DHRSX: variants seen among roughly 807,000 people sequenced by gnomAD.
DHRSX encodes dehydrogenase/reductase X-linked.
In DHRSX, 31 loss-of-function variants were observed where a neutral mutation model predicts 34.0. That is an observed-to-expected ratio of 0.91 (90% CI 0.69 to 1.23). The LOEUF is 1.23. Ranked by LOEUF, DHRSX falls within the 50% of genes most tolerant of loss-of-function variation. The pLI is 0.00. For missense variants in DHRSX, 414 were observed against 428.1 expected, an observed-to-expected ratio of 0.97 and a Z score of 0.29; for synonymous variants, 201 against 183.8, an observed-to-expected ratio of 1.09 and a Z score of -0.76.
chrX:2,434,295 G>A (rs1278392415), intron 1 of DHRSX, among the ~76,000 whole-genome samples: 1 of 152,166 alleles, frequency 6.6e-6, no homozygotes, highest in African/African-American at 2.4e-5. Flanking sequence ...CCTTGGAGAA[G>A]TTAGAAGTTT....
intron 1 of DHRSX, among the ~76,000 whole-genome samples, chrX:2,485,360 A>G (rs1314565203): frequency 1.3e-5 from 2 of 151,842 alleles, no homozygotes; most frequent in East Asian, 3.9e-4. Flanking sequence ...TCGGCATTTT[A>G]ATGATGCCCA....
At chrX:2,258,662 G>A (rs906500207) in intron 5 of DHRSX, among the ~76,000 whole-genome samples, 3 of 152,186 alleles carry the variant, frequency 2.0e-5, no homozygotes, top group African/African-American at 7.2e-5. Flanking sequence ...AAGCCACTAG[G>A]TCCGTGGTAT....
intron 3 of DHRSX, among the ~76,000 whole-genome samples, chrX:2,346,171 A>C (rs2042708051): frequency 6.6e-6 from 1 of 152,090 alleles, no homozygotes; most frequent in East Asian, 1.9e-4. Context: ...ATTTTCTGAT[A>C]ATGTTTCTAA....
chrX:2,447,443 C>G (rs1321916044), intron 1 of DHRSX, among the ~76,000 whole-genome samples: 1 of 152,142 alleles, frequency 6.6e-6, no homozygotes, highest in Non-Finnish European at 1.5e-5. Flanking sequence ...ACCTTGTACA[C>G]AGTAAAGACA....
Position 2,258,298 on chromosome X carries a change from C to A in DHRSX, c.596+8442G>T, listed in dbSNP as rs148029040. On this transcript the variant is annotated intron_variant, in intron 5 of 6. Coordinates refer to ENST00000334651, the MANE Select transcript of DHRSX (RefSeq NM_145177.3). ...ACAAAGGGACGACCCTGTGAGGACA[C>A]AGAGAGAAGATGGCGTCTACAAGTC... 1.6e-3 allele frequency among the ~76,000 whole-genome samples: 247 copies of A among 152,112 alleles called. 1 individual carries two copies. Among genetic ancestry groups the A allele is most frequent in the African/African-American group, 5.7e-3 (235 of 41,484 alleles).
intron 3 of DHRSX, among the ~76,000 whole-genome samples, chrX:2,346,538 G>A (rs978428516): frequency 2.0e-5 from 3 of 151,992 alleles, no homozygotes; most frequent in Non-Finnish European, 2.9e-5. Context: ...GCAGCCTTTG[G>A]AAAGCCTCCC....
At chrX:2,347,078 G>C (rs2042728154) in intron 3 of DHRSX, among the ~76,000 whole-genome samples, 1 of 152,124 alleles carries the variant, frequency 6.6e-6, no homozygotes, top group Non-Finnish European at 1.5e-5. Flanking sequence ...GATAAGGATG[G>C]ATAAATAAAG....
At chrX:2,486,237 A>G (rs916977790) in intron 1 of DHRSX, among the ~76,000 whole-genome samples, 3 of 152,188 alleles carry the variant, frequency 2.0e-5, no homozygotes, top group East Asian at 1.9e-4. Flanking sequence ...AAAGTACATC[A>G]TAACTTGAGG....
intron 3 of DHRSX, among the ~76,000 whole-genome samples, chrX:2,345,972 C>T (rs986683694): frequency 6.6e-6 from 1 of 152,162 alleles, no homozygotes; most frequent in African/African-American, 2.4e-5. Context: ...TATTTCTCTG[C>T]AGTATCTTGA....
At chrX:2,297,027 A>C (rs2041942967) in intron 3 of DHRSX, among the ~76,000 whole-genome samples, 1 of 152,058 alleles carries the variant, frequency 6.6e-6, no homozygotes, top group Admixed American at 6.6e-5. Flanking sequence ...AGATAGACCC[A>C]GGCAGATAGG....
intron 3 of DHRSX, among the ~76,000 whole-genome samples, chrX:2,373,160 C>G (rs1349038612): frequency 6.6e-6 from 1 of 152,144 alleles, no homozygotes; most frequent in African/African-American, 2.4e-5. Context: ...CATCAGATCT[C>G]GTGAGAACAC....
intron 1 of DHRSX, among the ~76,000 whole-genome samples, chrX:2,493,386 T>A (rs5983121): frequency 1.3e-5 from 2 of 151,870 alleles, no homozygotes; most frequent in Non-Finnish European, 2.9e-5. Flanking sequence ...AGGTTTACAT[T>A]CCATTATTAT....
chrX:2,375,789 C>T (rs2043134420), intron 3 of DHRSX, among the ~76,000 whole-genome samples: 1 of 136,168 alleles, frequency 7.3e-6, no homozygotes, highest in African/African-American at 2.5e-5. Context: ...TGCACCCCCA[C>T]GCCTGGCTAA....
At chrX:2,433,186 G>A (rs183386883) in intron 1 of DHRSX, among the ~76,000 whole-genome samples, 1 of 152,066 alleles carries the variant, frequency 6.6e-6, no homozygotes, top group East Asian at 1.9e-4. Context: ...TAATGAGCTG[G>A]AAGAAAATTT....
intron 3 of DHRSX, among the ~76,000 whole-genome samples, chrX:2,370,867 A>G (rs1232985718): frequency 6.6e-6 from 1 of 152,130 alleles, no homozygotes; most frequent in African/African-American, 2.4e-5. Context: ...GACCTGCTCA[A>G]AATTAGCTAT....
intron 1 of DHRSX, among the ~76,000 whole-genome samples, chrX:2,448,743 C>T (rs2044175564): frequency 6.6e-6 from 1 of 152,156 alleles, no homozygotes; most frequent in Admixed American, 6.5e-5. Context: ...AAATGACTCG[C>T]ATTTCCAGGC....
At chrX:2,466,494 G>A (rs1164869751) in intron 1 of DHRSX, among the ~76,000 whole-genome samples, 2 of 152,116 alleles carry the variant, frequency 1.3e-5, no homozygotes, top group Non-Finnish European at 2.9e-5. Flanking sequence ...GAACATGCAT[G>A]GAGGTGGAGG....
At chrX:2,302,851 T>C (rs1347718856) in intron 3 of DHRSX, among the ~76,000 whole-genome samples, 2 of 152,196 alleles carry the variant, frequency 1.3e-5, no homozygotes, top group African/African-American at 2.4e-5. Flanking sequence ...GTTTCTTAAA[T>C]GCATTTTTTT....
intron 3 of DHRSX, among the ~76,000 whole-genome samples, chrX:2,403,793 T>C (rs535500656): frequency 6.7e-6 from 1 of 148,162 alleles, no homozygotes; most frequent in Admixed American, 6.7e-5. Flanking sequence ...GAGGCGGAGG[T>C]TGCAGTGAGC....
Sources: gnomAD v4.1 joint callset for allele counts (sites outside exome capture counted in the v4.1 genomes callset) on GRCh38, gnomAD v4.1.1 for gene constraint, MANE v1.5 for transcripts, NCBI Gene and HGNC (gene_info 2026-07-23, HGNC 2026-07-21) for gene names.